The following AFF3 variants were observed in gnomAD, a reference collection of about 807,000 sequenced individuals.
The protein encoded by AFF3 is AF4/FMR2 family member 3.
AFF3 carries 32 observed loss-of-function variants against 129.7 expected under a neutral mutation model. The ratio of observed to expected loss-of-function variants is 0.25; its 90% CI spans 0.19 to 0.33. AFF3 has a LOEUF of 0.33. AFF3 is among the 10% of genes least tolerant of loss of function. The pLI, the probability that AFF3 is intolerant of heterozygous loss-of-function variation, is 1.00. For synonymous variants in AFF3, 644 were observed against 635.4 expected, an observed-to-expected ratio of 1.01 and a Z score of -0.20; for missense variants, 1,373 against 1,592.0, an observed-to-expected ratio of 0.86 and a Z score of 2.34.
intron 8 of AFF3, among the ~76,000 whole-genome samples, chr2:99,752,827 A>G (rs1328625529): frequency 6.6e-6 from 1 of 152,232 alleles, no homozygotes; most frequent in Non-Finnish European, 1.5e-5. Flanking sequence ...CACGCCTATG[A>G]AATACAGAGA....
chr2:99,807,944 G>A (rs141999339), intron 8 of AFF3, among the ~76,000 whole-genome samples: 150 of 152,250 alleles, frequency 9.9e-4, no homozygotes, highest in African/African-American at 3.4e-3. Flanking sequence ...GTGAGTATAT[G>A]TAATTAATAA....
intron 7 of AFF3, among the ~76,000 whole-genome samples, chr2:99,844,239 A>G (rs776691667): frequency 2.3e-4 from 35 of 152,072 alleles, no homozygotes; most frequent in Non-Finnish European, 4.6e-4. Context: ...AAAATTATTG[A>G]GGCAAAATTC....
chr2:100,010,877 G>T (rs574703634), intron 4 of AFF3, among the ~76,000 whole-genome samples: 17 of 152,150 alleles, frequency 1.1e-4, no homozygotes, highest in African/African-American at 4.1e-4. Flanking sequence ...GAGGATATAT[G>T]ACCCACACTG....
chr2:100,070,188 CTG>C lies in AFF3; in HGVS notation c.53+34212_53+34213del, dbSNP rs1688058653. ...GTATTCCTAGTTGCAAGTTATTAGA[CTG>C]TTTCTGTTTGGGTGGTTTTATAAAA... On this transcript the variant is annotated intron_variant, in intron 4 of 24. Transcript: ENST00000672756. Among the ~76,000 whole-genome samples, 3 of 144,110 alleles carry C rather than the reference CTG, an allele frequency of 2.1e-5. No individual in the cohort carries two copies. The South Asian group carries it at 6.7e-4, about 32-fold the overall frequency. 94.5% of individuals were successfully genotyped at this position (144,110 alleles called of 152,430 possible).
chr2:99,993,051 T>C (rs776993030), intron 7 of AFF3, among the ~76,000 whole-genome samples: 4 of 152,218 alleles, frequency 2.6e-5, no homozygotes, highest in South Asian at 2.1e-4. Flanking sequence ...TCTTGGATCA[T>C]GTGGATAAGA....
intron 7 of AFF3, among the ~76,000 whole-genome samples, chr2:99,920,000 T>G (rs1453684854): frequency 6.6e-6 from 1 of 152,002 alleles, no homozygotes; most frequent in Non-Finnish European, 1.5e-5. Context: ...AAAATACAAC[T>G]TACCAAAAGG....
chr2:99,778,824 A>T (rs1381986949), intron 8 of AFF3, among the ~76,000 whole-genome samples: 1 of 150,556 alleles, frequency 6.6e-6, no homozygotes, highest in Non-Finnish European at 1.5e-5. Flanking sequence ...TTGTATATTG[A>T]TCTTATATTC....
intron 7 of AFF3, among the ~76,000 whole-genome samples, chr2:100,004,056 C>T (rs928563164): frequency 1.1e-4 from 17 of 152,036 alleles, no homozygotes; most frequent in African/African-American, 3.6e-4. Context: ...TGTACCTATA[C>T]GATGCCAAAC....
At chr2:100,086,766 A>T (rs1183228721) in intron 4 of AFF3, among the ~76,000 whole-genome samples, 1 of 152,200 alleles carries the variant, frequency 6.6e-6, no homozygotes, top group Non-Finnish European at 1.5e-5. Flanking sequence ...TAACAAGAAA[A>T]TCACCTTTGT....
At chr2:100,085,076 GACTA>G (rs769761216) in intron 4 of AFF3, among the ~76,000 whole-genome samples, 575 of 151,536 alleles carry the variant, frequency 3.8e-3, no homozygotes, top group Admixed American at 3.5e-3. Context: ...GCAGTGAACA[GACTA>G]ACTATGATTT....
intron 7 of AFF3, among the ~76,000 whole-genome samples, chr2:99,943,983 T>A (rs999387163): frequency 5.3e-5 from 8 of 152,024 alleles, no homozygotes; most frequent in African/African-American, 1.9e-4. Context: ...GCTCACAGCC[T>A]CGACCTCCTG....
At chr2:99,610,962 T>TG (rs1488737013) in intron 13 of AFF3, among the ~76,000 whole-genome samples, 1 of 152,216 alleles carries the variant, frequency 6.6e-6, no homozygotes, top group Non-Finnish European at 1.5e-5. Context: ...TGCAGGTCCC[T>TG]GGGGCTCTGT....
At chr2:99,657,766 T>C (rs1423214820) in intron 12 of AFF3, among the ~76,000 whole-genome samples, 2 of 152,234 alleles carry the variant, frequency 1.3e-5, no homozygotes, top group Non-Finnish European at 2.9e-5. Context: ...AAAAAACATT[T>C]ATTGAGCACC....
At chr2:100,086,909 G>A (rs1384611327) in intron 4 of AFF3, among the ~76,000 whole-genome samples, 3 of 152,250 alleles carry the variant, frequency 2.0e-5, no homozygotes. Context: ...AGTTAGGCAA[G>A]ACACACATTA....
At chr2:99,919,415 G>T (rs1038896734) in intron 7 of AFF3, among the ~76,000 whole-genome samples, 10 of 152,044 alleles carry the variant, frequency 6.6e-5, no homozygotes, top group African/African-American at 2.4e-4. Flanking sequence ...GTCGAATACG[G>T]GATGGCTCCT....
chr2:99,968,575 AT>A (rs1374463940), intron 7 of AFF3, among the ~76,000 whole-genome samples: 2 of 152,180 alleles, frequency 1.3e-5, no homozygotes, highest in African/African-American at 4.8e-5. Flanking sequence ...TTTAGTTGAC[AT>A]TTCTGCTTTG....
intron 7 of AFF3, among the ~76,000 whole-genome samples, chr2:99,966,850 T>C (rs1284722047): frequency 6.6e-6 from 1 of 152,088 alleles, no homozygotes; most frequent in East Asian, 1.9e-4. Context: ...TTAAATAATT[T>C]CATTAAGATA....
intron 4 of AFF3, among the ~76,000 whole-genome samples, chr2:100,041,827 A>G (rs1685455778): frequency 6.6e-6 from 1 of 152,170 alleles, no homozygotes; most frequent in Non-Finnish European, 1.5e-5. Context: ...TAGAAGGGAT[A>G]TTTGCATCAT....
chr2:99,833,932 C>T (rs376504696), intron 8 of AFF3, among the ~76,000 whole-genome samples: 28 of 152,168 alleles, frequency 1.8e-4, no homozygotes, highest in East Asian at 5.8e-4. Flanking sequence ...ATAAAACTCT[C>T]GGAGTAAGGA....
Sources: allele counts gnomAD v4.1 joint callset (sites outside exome capture counted in the v4.1 genomes callset), GRCh38; gene constraint gnomAD v4.1.1; transcripts MANE v1.5; gene names NCBI Gene and HGNC (gene_info 2026-07-23, HGNC 2026-07-21).